Variants in TMEM47 observed in about 807,000 individuals in gnomAD.
TMEM47 encodes brain cell membrane protein 1.
In TMEM47, 3 loss-of-function variants were observed where a neutral mutation model predicts 12.4. That is an observed-to-expected ratio of 0.24 (90% confidence interval 0.11 to 0.63). The LOEUF is 0.63. Ranked by LOEUF, TMEM47 falls within the 20% of genes least tolerant of loss-of-function variation. The pLI is 0.86. For synonymous variants in TMEM47, 62 were observed against 63.3 expected, an observed-to-expected ratio of 0.98 and a Z score of 0.10; for missense variants, 89 against 143.8, an observed-to-expected ratio of 0.62 and a Z score of 1.95.
At chrX:34,634,860 A>T (rs1428472266) in intron 2 of TMEM47, among the ~76,000 whole-genome samples, 1 of 112,341 alleles carries the variant, frequency 8.9e-6, no homozygotes, top group Non-Finnish European at 1.9e-5. Flanking sequence ...GGGTAAAATG[A>T]AGGGCGCATG....
At position 34,629,095 on chromosome X, in the gene TMEM47, T is replaced by C. The variant is rs1043801441; in HGVS notation, c.*1218A>G. On this transcript the variant is annotated 3_prime_UTR_variant, in exon 3 of 3. Transcript: ENST00000275954. ...ATTTATATAAATCTATCGCTATTCC[T>C]TTCTTAAAAAAATGAAGACATTTAA... The C allele has an allele frequency of 8.9e-6, 1 of 111,761 alleles. No individual in the cohort carries two copies. The highest frequency in any genetic ancestry group is 3.3e-5 in the African/African-American group (1 of 30,728). The allele number at this position is 111,761 out of a possible 1,213,427, so 9.2% of individuals were successfully genotyped here.
intron 1 of TMEM47, among the ~76,000 whole-genome samples, chrX:34,655,066 T>G (rs185802056): frequency 1.1e-4 from 12 of 112,051 alleles, no homozygotes; most frequent in Admixed American, 6.6e-4. Context: ...GCAAACACTG[T>G]ATGTTGCTCT....
At chrX:34,654,914 C>T (rs1287378015) in intron 1 of TMEM47, among the ~76,000 whole-genome samples, 2 of 111,529 alleles carry the variant, frequency 1.8e-5, no homozygotes, top group Non-Finnish European at 3.8e-5. Flanking sequence ...GGGAAAAATC[C>T]CAAACTGGGC....
At chrX:34,648,448 C>T (rs766768244) in intron 1 of TMEM47, among the ~76,000 whole-genome samples, 8 of 111,689 alleles carry the variant, frequency 7.2e-5, no homozygotes, top group African/African-American at 2.6e-4. Context: ...AGAAAAGACT[C>T]CCTGTTCAAC....
At chrX:34,637,748 CG>C (rs1921742462) in intron 2 of TMEM47, among the ~76,000 whole-genome samples, 1 of 111,667 alleles carries the variant, frequency 9.0e-6, no homozygotes, top group African/African-American at 3.3e-5. Context: ...GCATAGCACA[CG>C]GTACTAAATC....
chrX:34,631,820 T>C (rs1921631287), intron 2 of TMEM47, among the ~76,000 whole-genome samples: 1 of 112,417 alleles, frequency 8.9e-6, no homozygotes, highest in African/African-American at 3.2e-5. Context: ...AATTCTTAAC[T>C]TCCTATTAGA....
rs376532073 is a variant in TMEM47 at position 34,656,017 on chromosome X, A to C, written c.226+787T>G. Among the ~76,000 whole-genome samples the C allele has an allele frequency of 1.1e-4, 12 of 111,540 alleles. No individual in the cohort carries two copies. The East Asian group carries it at 3.1e-3, about 29-fold the overall frequency. On this transcript the variant is annotated intron_variant, in intron 1 of 2. Coordinates refer to ENST00000275954, the MANE Select transcript of TMEM47 (RefSeq NM_031442.4). The stretch of plus-strand genomic sequence containing the variant: ...AAAGCCCCCTGGGACTGGTAGCCTC[A>C]GTAGCTACCTTATTCTCCACTCCCC...
rs776476783 is a variant in TMEM47 at position 34,627,630 on chromosome X, G to T, written c.*2683C>A. On this transcript the variant is annotated 3_prime_UTR_variant, in exon 3 of 3. Coordinates refer to ENST00000275954, the MANE Select transcript of TMEM47 (RefSeq NM_031442.4). The stretch of plus-strand genomic sequence containing the variant: ...AGCTAAATAATTGTGCAAGAAATCG[G>T]AATAACTAGCCCTGCTGAGTATTTT... The T allele has an allele frequency of 8.9e-6, 1 of 111,870 alleles. No homozygotes were observed. Among genetic ancestry groups the T allele is most frequent in the South Asian group, 3.7e-4 (1 of 2,680 alleles). The allele number at this position is 111,870 out of a possible 1,213,427, so 9.2% of individuals were successfully genotyped here.
chrX:34,651,852 C>T (rs1489874231), intron 1 of TMEM47, among the ~76,000 whole-genome samples: 1 of 111,889 alleles, frequency 8.9e-6, no homozygotes, highest in Non-Finnish European at 1.9e-5. Context: ...TAATGCATAT[C>T]AAAATTTAAA....
intron 2 of TMEM47, among the ~76,000 whole-genome samples, chrX:34,636,699 T>G (rs945668729): frequency 2.7e-5 from 3 of 111,878 alleles, no homozygotes; most frequent in Non-Finnish European, 3.8e-5. Flanking sequence ...ACAACTTTCA[T>G]TATGTGCTAT....
intron 1 of TMEM47, among the ~76,000 whole-genome samples, chrX:34,655,803 AG>A (rs1187230132): frequency 9.0e-6 from 1 of 111,429 alleles, no homozygotes; most frequent in Non-Finnish European, 1.9e-5. Flanking sequence ...AGAGAGAGAA[AG>A]AAAGAAAATC....
At chrX:34,651,468 CCAT>C (rs1424352400) in intron 1 of TMEM47, among the ~76,000 whole-genome samples, 2 of 112,037 alleles carry the variant, frequency 1.8e-5, no homozygotes, top group Non-Finnish European at 3.8e-5. Flanking sequence ...TGGTTCCTAG[CCAT>C]TCAAGTTATC....
At position 34,656,815 on chromosome X, in the gene TMEM47, G is replaced by C; in HGVS notation, c.215C>G (p.Thr72Arg). The change falls in exon 1 of 3, where the codon ACG (threonine) becomes AGG (arginine). Residue 72 changes from threonine (T) to arginine (R), a missense_variant. Coordinates refer to ENST00000275954, the MANE Select transcript of TMEM47 (RefSeq NM_031442.4). The part of the protein sequence containing the change: ...ASLDIWHCES[T>R]LSSDWQIATL... ...CGCCAGGCCCTCACCGCTGCTGAGC[G>C]TGGACTCGCAGTGCCAGATGTCCAA... The C allele has an allele frequency of 1.7e-6, 2 of 1,166,907 alleles. No homozygotes were observed. Among genetic ancestry groups the C allele is most frequent in the Non-Finnish European group, 2.3e-6 (2 of 873,321 alleles).
At chrX:34,631,611 G>T (rs868279116) in intron 2 of TMEM47, among the ~76,000 whole-genome samples, 3 of 111,935 alleles carry the variant, frequency 2.7e-5, no homozygotes, top group Non-Finnish European at 5.6e-5. Flanking sequence ...TCAAAACTTA[G>T]CTCTTAGTCC....
In TMEM47 at chrX:34,630,282, G is replaced by A; in HGVS notation, c.*31C>T. The A allele has an allele frequency of 8.7e-7, 1 of 1,146,934 alleles. No homozygotes were observed. The highest frequency in any genetic ancestry group is 1.2e-6 in the Non-Finnish European group (1 of 852,428). The allele number at this position is 1,146,934 out of a possible 1,213,427, so 94.5% of individuals were successfully genotyped here. ...AGACGTAATCCTTTTGTTGGATGGTGGTGGTTGTTTTTACTTTGAGACTAT... is the reference window on the plus strand; with the variant it reads ...AGACGTAATCCTTTTGTTGGATGGTAGTGGTTGTTTTTACTTTGAGACTAT... On this transcript the variant is annotated 3_prime_UTR_variant, in exon 3 of 3. Transcript: ENST00000275954.
chrX:34,645,029 C>T lies in TMEM47; in HGVS notation c.227-5642G>A, dbSNP rs186372473. Among the ~76,000 whole-genome samples, 679 of 111,957 alleles carry T rather than the reference C, an allele frequency of 6.1e-3. 4 individuals carry two copies. Among genetic ancestry groups the T allele is most frequent in the Non-Finnish European group, 9.8e-3 (520 of 53,070 alleles). On this transcript the variant is annotated intron_variant, in intron 1 of 2. Coordinates refer to ENST00000275954, the MANE Select transcript of TMEM47 (RefSeq NM_031442.4). ...ATATACAAATTCTTCCTAATTCACC[C>T]AAACAGACTGGATTATTTTCACTCA... is the stretch of plus-strand genomic sequence containing the variant.
chrX:34,656,764 C>G, intron 1 of TMEM47, 40 bp downstream of exon 1: 2 of 1,140,816 alleles, frequency 1.8e-6, no homozygotes, highest in Non-Finnish European at 2.3e-6. Context: ...CGGGGCAGTC[C>G]GGGGCGGGAG....
chrX:34,656,076 T>A (rs914056736), intron 1 of TMEM47, among the ~76,000 whole-genome samples: 1 of 111,149 alleles, frequency 9.0e-6, no homozygotes, highest in Non-Finnish European at 1.9e-5. Flanking sequence ...CTTTCAGCGC[T>A]GGCGGAATAA....
At chrX:34,649,698 T>A (rs1251313748) in intron 1 of TMEM47, among the ~76,000 whole-genome samples, 2 of 111,036 alleles carry the variant, frequency 1.8e-5, no homozygotes, top group Middle Eastern at 4.6e-3. Flanking sequence ...ACCCCGAACC[T>A]AAAATAAAAG....
Sources: gnomAD v4.1 joint callset for allele counts (sites outside exome capture counted in the v4.1 genomes callset) on GRCh38, gnomAD v4.1.1 for gene constraint, MANE v1.5 for transcripts, NCBI Gene and HGNC (gene_info 2026-07-23, HGNC 2026-07-21) for gene names.